Variants in SPDYE5 observed in about 807,000 individuals in gnomAD.
SPDYE5 encodes the protein speedy protein E5.
In SPDYE5, 15 loss-of-function variants were observed where a neutral mutation model predicts 48.5. That is an observed-to-expected ratio of 0.31 (90% CI 0.21 to 0.48). The LOEUF (loss-of-function observed/expected upper bound fraction) is 0.48, where lower values mean the gene tolerates loss of function less well. Among genes scored for constraint, SPDYE5 ranks in the 20% least tolerant of loss-of-function variants. The pLI, the probability that SPDYE5 is intolerant of heterozygous loss-of-function variation, is 0.99. For missense variants in SPDYE5, 331 were observed against 549.1 expected (o/e 0.60, Z 3.97); for synonymous variants, 116 against 200.7 (o/e 0.58, Z 3.57).
rs62477724 is a variant in SPDYE5 at position 75,501,512 on chromosome 7, G to C, written c.906G>C (p.Lys302Asn). 262,902 of 717,302 alleles carry C rather than the reference G, an allele frequency of 0.37. 112,812 individuals are homozygous for C. Among genetic ancestry groups the C allele is most frequent in the East Asian group, 0.96 (25,454 of 26,528 alleles). 44.4% of individuals were successfully genotyped at this position (717,302 alleles called of 1,614,324 possible). ...GRSMNPRARKKRSRIPLLRKR... is the reference protein window; with the variant it reads ...GRSMNPRARKNRSRIPLLRKR... ...CCATGAACCCGAGGGCCAGGAAGAA[G>C]CGCTCTCGCATACCCTTGCTCCGTA... The change falls in exon 7 of 9, where the codon AAG becomes AAC. Residue 302 changes from lysine (K) to asparagine (N), a missense_variant. Transcript: ENST00000625065.
chr7:75,494,081 G>A lies in SPDYE5; in HGVS notation c.34G>A (p.Gly12Arg). The change falls in exon 2 of 9, where the codon GGA becomes AGA. Residue 12 changes from glycine to arginine, a missense_variant. This residue lies in a region of SPDYE5 where 67 missense variants were observed against 55.7 expected (regional missense o/e 1.20). Coordinates refer to ENST00000625065, the MANE Select transcript of SPDYE5 (RefSeq NM_001306141.4). The stretch of plus-strand genomic sequence containing the variant: ...AACGGAGACTAGGTTCCGTAAGAGG[G>A]GACAGATTACGGAAAAGATCACGAC... ...DRTETRFRKR[G>R]QITEKITTSR... 6.5e-7 allele frequency: 1 copy of A among 1,534,342 alleles called. No individual in the cohort carries two copies. The highest frequency in any genetic ancestry group is 1.2e-5 in the South Asian group (1 of 83,912).
intron 8 of SPDYE5, 55 bp from the exon 9 acceptor site, chr7:75,502,778 T>C (rs1174936685): frequency 2.0e-6 from 2 of 1,010,032 alleles, no homozygotes; most frequent in Non-Finnish European, 2.5e-6. Context: ...GTGAATAACC[T>C]TCCTGTCTAG....
At chr7:75,502,013 A>C in intron 8 of SPDYE5, 31 bp downstream of exon 8, 1 of 1,517,062 alleles carries the variant, frequency 6.6e-7, no homozygotes, top group South Asian at 1.2e-5. Flanking sequence ...GTAAAGGCAG[A>C]ATATTGGGGT....
intron 1 of SPDYE5, among the ~76,000 whole-genome samples, chr7:75,493,008 C>T (rs1444644541): frequency 4.6e-5 from 7 of 151,714 alleles, no homozygotes; most frequent in Admixed American, 3.3e-4. Context: ...TACTATGTTG[C>T]CTATACTGGT....
In SPDYE5 at chr7:75,501,457, T is replaced by C. The variant is rs781978712; in HGVS notation, c.851T>C (p.Leu284Pro). 25 of 1,610,454 alleles carry C rather than the reference T, an allele frequency of 1.6e-5. 1 individual carries two copies. In the South Asian group the frequency reaches 2.7e-4, roughly 18 times the overall value. ...YGKNRSRIPL[L>P]RKRWFQLGRS... The stretch of plus-strand genomic sequence containing the variant: ...AAGAACCGCTCTCGCATACCCTTGC[T>C]CCGTAAGCGTTGGTTCCAGTTAGGC... The change falls in exon 7 of 9, where the codon CTC becomes CCC. Residue 284 changes from leucine to proline, a missense_variant. By Grantham distance (98) the Leu-to-Pro change is moderately conservative. This residue lies in a region of SPDYE5 where 70 missense variants were observed against 87.6 expected (regional missense o/e 0.80). Coordinates refer to ENST00000625065, the MANE Select transcript of SPDYE5 (RefSeq NM_001306141.4).
Position 75,494,122 on chromosome 7 carries a change from A to C in SPDYE5, c.75A>C (p.Gln25His), listed in dbSNP as rs1462085621. The C allele has an allele frequency of 1.3e-5, 20 of 1,535,282 alleles. No individual in the cohort carries two copies. The South Asian group carries it at 1.4e-4, about 11-fold the overall frequency. Residue 25 changes from glutamine (Q) to histidine (H), a missense_variant, in exon 2 of 9, where the codon CAA becomes CAC. Around this residue, in one of 8 missense-constraint regions of SPDYE5, gnomAD observed 67 missense variants for 55.7 expected, o/e 1.20. Transcript: ENST00000625065. ...AGATCACGACCAGCCGTCAACCGCA[A>C]CCCCAGAATGAGCAGAGTCCCCAGC... ...TEKITTSRQPQPQNEQSPQRS... is the reference protein window; with the variant it reads ...TEKITTSRQPHPQNEQSPQRS...
chr7:75,499,820 T>C (rs1793078696), intron 6 of SPDYE5, among the ~76,000 whole-genome samples: 1 of 88,392 alleles, frequency 1.1e-5, no homozygotes, highest in South Asian at 4.3e-4. Context: ...CCAATGCCAG[T>C]GTACAAATAA....
At chr7:75,493,250 T>G (rs1263189831) in intron 1 of SPDYE5, among the ~76,000 whole-genome samples, 2 of 151,442 alleles carry the variant, frequency 1.3e-5, no homozygotes, top group African/African-American at 2.4e-5. Context: ...AGGGGCTGGC[T>G]TAGGTAATCC....
chr7:75,495,620 T>C (rs1554482423), intron 3 of SPDYE5, among the ~76,000 whole-genome samples: 2 of 152,226 alleles, frequency 1.3e-5, no homozygotes, highest in African/African-American at 4.8e-5. Context: ...GGCTCACGCC[T>C]GAGATCCTAG....
In SPDYE5 at chr7:75,501,970, G is replaced by A. The variant is rs782691164; in HGVS notation, c.*33G>A. On this transcript the variant is annotated 3_prime_UTR_variant, in exon 8 of 9. Coordinates refer to ENST00000625065, the MANE Select transcript of SPDYE5 (RefSeq NM_001306141.4). ...GGGACCGTGGAGGCCTGAGGTCATC[G>A]GCCTGAGAGAAGGTACATCTGCATC... The A allele has an allele frequency of 1.3e-5, 21 of 1,583,208 alleles. No homozygotes were observed. The highest frequency in any genetic ancestry group is 4.5e-5 in the East Asian group (2 of 44,790).
In SPDYE5 at chr7:75,494,168, C is replaced by T; in HGVS notation, c.121C>T (p.Leu41Phe). The part of the protein sequence containing the change: ...SPQRSTSGYP[L>F]QEVVDDEVLG... Reference sequence around the variant, plus strand: ...CCAGCGGAGCACCTCGGGGTACCCCCTCCAGGAGGTGGTGGATGATGAAGT... The same window carrying T: ...CCAGCGGAGCACCTCGGGGTACCCCTTCCAGGAGGTGGTGGATGATGAAGT... The change falls in exon 2 of 9, where the codon CTC (leucine) becomes TTC (phenylalanine). Residue 41 changes from leucine to phenylalanine, a missense_variant. Physicochemically the swap from Leu to Phe is conservative, Grantham distance 22. This residue lies in a region of SPDYE5 where 67 missense variants were observed against 55.7 expected (regional missense o/e 1.20). Transcript: ENST00000625065. 6 of 1,535,108 alleles carry T rather than the reference C, an allele frequency of 3.9e-6. No homozygotes were observed. The highest frequency in any genetic ancestry group is 2.4e-5 in the East Asian group (1 of 40,892).
In SPDYE5 at chr7:75,503,095, C is replaced by A. The variant is rs1443365824; in HGVS notation, c.*308C>A. 1.9e-6 allele frequency: 1 copy of A among 524,050 alleles called. No homozygotes were observed. Among genetic ancestry groups the A allele is most frequent in the Non-Finnish European group, 3.6e-6 (1 of 280,086 alleles). The allele number at this position is 524,050 out of a possible 1,614,324, so 32.5% of individuals were successfully genotyped here. A position where few individuals can be genotyped will look rare whatever the true frequency, so the allele number is the denominator to read the frequency against. ...GTTCCACCCTTTCCTGCAGCACCAC[C>A]ACCCTTTCTATATTGCTGAATTCCA... On this transcript the variant is annotated 3_prime_UTR_variant, in exon 9 of 9. Transcript: ENST00000625065.
At chr7:75,495,113 C>T (rs1344152568) in intron 2 of SPDYE5, 43 bp from the exon 3 acceptor site, 1 of 1,576,438 alleles carries the variant, frequency 6.3e-7, no homozygotes, top group East Asian at 2.3e-5. Context: ...CTAAGGTGAT[C>T]AGATGCAGAA....
intron 5 of SPDYE5, among the ~76,000 whole-genome samples, chr7:75,498,212 C>T (rs1584739910): frequency 1.4e-5 from 2 of 147,858 alleles, no homozygotes; most frequent in South Asian, 4.3e-4. Flanking sequence ...GCAGCCGATG[C>T]CTCCCGGGTT....
intron 2 of SPDYE5, among the ~76,000 whole-genome samples, chr7:75,494,661 CG>C (rs1467180794): frequency 6.6e-6 from 1 of 151,886 alleles, no homozygotes; most frequent in Non-Finnish European, 1.5e-5. Context: ...CCAAGGCAGG[CG>C]GATCACTTGA....
Position 75,494,125 on chromosome 7 carries a change from C to A in SPDYE5, c.78C>A (p.Pro26=). The A allele has an allele frequency of 6.5e-7, 1 of 1,535,376 alleles. No homozygotes were observed. The highest frequency in any genetic ancestry group is 8.7e-7 in the Non-Finnish European group (1 of 1,146,830). ...EKITTSRQPQ[P]QNEQSPQRST... ...TCACGACCAGCCGTCAACCGCAACCCCAGAATGAGCAGAGTCCCCAGCGGA... is the reference window on the plus strand; with the variant it reads ...TCACGACCAGCCGTCAACCGCAACCACAGAATGAGCAGAGTCCCCAGCGGA... Residue 26 remains proline (P), a synonymous_variant, in exon 2 of 9, where the codon CCC becomes CCA. Transcript: ENST00000625065.
chr7:75,494,149 G>A lies in SPDYE5; in HGVS notation c.102G>A (p.Arg34=). 1 of 1,535,292 alleles carries A rather than the reference G, an allele frequency of 6.5e-7. No individual in the cohort carries two copies. Among genetic ancestry groups the A allele is most frequent in the Non-Finnish European group, 8.7e-7 (1 of 1,146,846 alleles). The part of the protein sequence containing the change: ...PQPQNEQSPQ[R]STSGYPLQEV... ...CCCAGAATGAGCAGAGTCCCCAGCG[G>A]AGCACCTCGGGGTACCCCCTCCAGG... The change falls in exon 2 of 9, where the codon CGG becomes CGA. Residue 34 remains arginine (R), a synonymous_variant. Transcript: ENST00000625065.
chr7:75,502,110 A>G (rs1554483690), intron 8 of SPDYE5, 128 bp downstream of exon 8: 2 of 1,097,222 alleles, frequency 1.8e-6, no homozygotes, highest in East Asian at 5.1e-5. Flanking sequence ...CAAAAATACA[A>G]AAATTAGCCA....
At position 75,494,093 on chromosome 7, in the gene SPDYE5, G is replaced by A. The variant is rs1792834553; in HGVS notation, c.46G>A (p.Glu16Lys). 6.5e-7 allele frequency: 1 copy of A among 1,534,930 alleles called. No individual in the cohort carries two copies. Among genetic ancestry groups the A allele is most frequent in the Non-Finnish European group, 8.7e-7 (1 of 1,146,744 alleles). Reference protein sequence around the residue: ...TRFRKRGQITEKITTSRQPQP... With the variant: ...TRFRKRGQITKKITTSRQPQP... ...GTTCCGTAAGAGGGGACAGATTACG[G>A]AAAAGATCACGACCAGCCGTCAACC... The change falls in exon 2 of 9, where the codon GAA becomes AAA. Residue 16 changes from glutamate to lysine, a missense_variant. This residue lies in a region of SPDYE5 where 67 missense variants were observed against 55.7 expected (regional missense o/e 1.20). Coordinates refer to ENST00000625065, the MANE Select transcript of SPDYE5 (RefSeq NM_001306141.4).
Sources: gnomAD v4.1 joint callset for allele counts (sites outside exome capture counted in the v4.1 genomes callset) on GRCh38, gnomAD v4.1.1 for gene constraint, gnomAD v4.1.1 regional missense constraint, MANE v1.5 for transcripts, NCBI Gene and HGNC (gene_info 2026-07-23, HGNC 2026-07-21) for gene names.